CMTM7: variants seen among roughly 807,000 people sequenced by gnomAD.
CMTM7 encodes the protein CKLF-like MARVEL transmembrane domain-containing protein 7.
In CMTM7, 7 loss-of-function variants were observed where a neutral mutation model predicts 19.3. The ratio of observed to expected loss-of-function variants is 0.36; its 90% CI spans 0.21 to 0.68. The LOEUF is 0.68. CMTM7 is among the 30% of genes least tolerant of loss of function. The pLI is 0.60. For synonymous variants in CMTM7, 87 were observed against 99.3 expected (o/e 0.88, Z 0.74); for missense variants, 193 against 232.6 (o/e 0.83, Z 1.11).
At chr3:32,411,761 A>G (rs56727595) in intron 1 of CMTM7, among the ~76,000 whole-genome samples, 17,943 of 152,272 alleles carry the variant, frequency 0.12, 1,135 homozygotes, top group South Asian at 0.17. Flanking sequence ...TAACTACACA[A>G]CTGTTTTTCC....
At chr3:32,416,322 A>C (rs1427731050) in intron 1 of CMTM7, among the ~76,000 whole-genome samples, 1 of 139,934 alleles carries the variant, frequency 7.1e-6, no homozygotes, top group Non-Finnish European at 1.5e-5. Context: ...CAGCCTCCTG[A>C]GTAGCTGGGA....
At chr3:32,409,863 T>C (rs150472296) in intron 1 of CMTM7, among the ~76,000 whole-genome samples, 1 of 152,270 alleles carries the variant, frequency 6.6e-6, no homozygotes, top group African/African-American at 2.4e-5. Context: ...GTAGTTCAAG[T>C]TGAGCTTTGC....
intron 1 of CMTM7, among the ~76,000 whole-genome samples, chr3:32,417,891 A>G (rs953771235): frequency 2.6e-5 from 4 of 152,072 alleles, no homozygotes; most frequent in Non-Finnish European, 4.4e-5. Context: ...GCATGATCTC[A>G]GCTCACTGCA....
chr3:32,401,521 G>A (rs1205834330), intron 1 of CMTM7, among the ~76,000 whole-genome samples: 1 of 152,244 alleles, frequency 6.6e-6, no homozygotes, highest in Admixed American at 6.5e-5. Flanking sequence ...GGAATCCTAG[G>A]GGATTCCCTG....
intron 4 of CMTM7, 61 bp downstream of exon 4, chr3:32,452,534 G>T: frequency 1.3e-6 from 2 of 1,548,440 alleles, no homozygotes; most frequent in South Asian, 1.1e-5. Flanking sequence ...GCTTGTTCTT[G>T]ACTTCAGCCA....
intron 1 of CMTM7, among the ~76,000 whole-genome samples, chr3:32,430,979 C>G (rs1266823544): frequency 6.6e-6 from 1 of 152,162 alleles, no homozygotes; most frequent in Non-Finnish European, 1.5e-5. Context: ...CAGCAAATAT[C>G]TATGGAGAAC....
chr3:32,448,075 T>C (rs1007139114), intron 2 of CMTM7, among the ~76,000 whole-genome samples: 8 of 152,070 alleles, frequency 5.3e-5, no homozygotes, highest in African/African-American at 1.7e-4. Flanking sequence ...GAACAAAAGC[T>C]CAGGGACAAG....
intron 2 of CMTM7, among the ~76,000 whole-genome samples, chr3:32,443,594 T>G (rs1443679207): frequency 6.6e-6 from 1 of 152,200 alleles, no homozygotes; most frequent in Non-Finnish European, 1.5e-5. Context: ...AGGAGGGGAA[T>G]TACTGAGTCA....
At chr3:32,394,453 A>G (rs1695886338) in intron 1 of CMTM7, among the ~76,000 whole-genome samples, 1 of 152,222 alleles carries the variant, frequency 6.6e-6, no homozygotes, top group African/African-American at 2.4e-5. Context: ...AGATCTGCCA[A>G]CACGTTGTCT....
chr3:32,451,956 A>G (rs1042549988), intron 3 of CMTM7: 27 of 670,572 alleles, frequency 4.0e-5, no homozygotes, highest in Non-Finnish European at 5.6e-5. Context: ...TGGAACAGAA[A>G]GTCATTACAA....
intron 1 of CMTM7, among the ~76,000 whole-genome samples, chr3:32,425,790 T>G (rs1361278260): frequency 6.6e-6 from 1 of 152,214 alleles, no homozygotes; most frequent in East Asian, 1.9e-4. Context: ...GTTGGGTGTG[T>G]AATTTTAACA....
chr3:32,399,333 A>G (rs1006398646), intron 1 of CMTM7, among the ~76,000 whole-genome samples: 5 of 150,778 alleles, frequency 3.3e-5, no homozygotes, highest in Non-Finnish European at 5.9e-5. Flanking sequence ...ATTTCAGAAT[A>G]GTAATGCAAA....
In CMTM7 at chr3:32,448,891, T is replaced by A. The variant is rs929180572; in HGVS notation, c.334-563T>A. ...CTGACCTCATTCTAGAGTCTGAGTC[T>A]GACGGGACCCTGGGAATGAATACCT... On this transcript the variant is annotated intron_variant, in intron 2 of 4. Transcript: ENST00000334983. Among the ~76,000 whole-genome samples, 43 of 152,084 alleles carry A rather than the reference T, an allele frequency of 2.8e-4. 1 individual carries two copies. Among genetic ancestry groups the A allele is most frequent in the African/African-American group, 9.4e-4 (39 of 41,468 alleles).
intron 1 of CMTM7, among the ~76,000 whole-genome samples, chr3:32,393,955 G>C (rs1226589458): frequency 6.6e-6 from 1 of 152,134 alleles, no homozygotes; most frequent in Non-Finnish European, 1.5e-5. Flanking sequence ...AGTGGGGCCT[G>C]TTGTTCCAAA....
rs1369034138 is a variant in CMTM7 at position 32,391,872 on chromosome 3, G to T, written c.-35G>T. The T allele has an allele frequency of 1.7e-6, 2 of 1,198,696 alleles. No homozygotes were observed. The highest frequency in any genetic ancestry group is 2.1e-6 in the Non-Finnish European group (2 of 965,478). 74.3% of individuals were successfully genotyped at this position (1,198,696 alleles called of 1,614,324 possible). On this transcript the variant is annotated 5_prime_UTR_variant, in exon 1 of 5. Transcript: ENST00000334983. ...CTCTGTATCTGGCCCCTGGGCAGCT[G>T]CCCGGGGAGGCGGCCAGCGAGCTGG... is the stretch of plus-strand genomic sequence containing the variant.
intron 1 of CMTM7, among the ~76,000 whole-genome samples, chr3:32,422,879 G>A (rs563277713): frequency 2.0e-5 from 3 of 152,280 alleles, no homozygotes; most frequent in South Asian, 4.1e-4. Flanking sequence ...AGCCTATTTG[G>A]TAATAAAGTG....
Position 32,449,592 on chromosome 3 carries a change from T to A in CMTM7, c.432+40T>A, listed in dbSNP as rs2304593. On this transcript the variant is annotated intron_variant, in intron 3 of 4. Coordinates refer to ENST00000334983, the MANE Select transcript of CMTM7 (RefSeq NM_138410.4). The surrounding 1 kb of genome is among the most constrained non-coding windows in gnomAD (Gnocchi z 4.5). ...GGGAGCCTTTAGGAATGAATTCTTATTTAAAATGCTCATTTTCTTCCTGAT... is the reference window on the plus strand; with the variant it reads ...GGGAGCCTTTAGGAATGAATTCTTAATTAAAATGCTCATTTTCTTCCTGAT... The A allele has an allele frequency of 1.4e-6, 2 of 1,458,958 alleles. No individual in the cohort carries two copies. The highest frequency in any genetic ancestry group is 2.3e-5 in the East Asian group (1 of 44,200). The allele number at this position is 1,458,958 out of a possible 1,614,324, so 90.4% of individuals were successfully genotyped here. A position where few individuals can be genotyped will look rare whatever the true frequency, so the allele number is the denominator to read the frequency against.
chr3:32,400,399 CT>C (rs11425160), intron 1 of CMTM7, among the ~76,000 whole-genome samples: 35 of 116,544 alleles, frequency 3.0e-4, no homozygotes, highest in African/African-American at 5.9e-4. Context: ...TCTTCTTCTT[CT>C]TTTTTTTTTT....
chr3:32,405,640 A>G (rs754804720), intron 1 of CMTM7, among the ~76,000 whole-genome samples: 1 of 152,196 alleles, frequency 6.6e-6, no homozygotes. Context: ...CTGTGGGCCT[A>G]TCTACTCAAG....
Sources: allele counts gnomAD v4.1 joint callset (sites outside exome capture counted in the v4.1 genomes callset), GRCh38; gene constraint gnomAD v4.1.1; non-coding constraint Gnocchi (gnomAD v3.1); transcripts MANE v1.5; gene names NCBI Gene and HGNC (gene_info 2026-07-23, HGNC 2026-07-21).